The following APELA variants were observed in gnomAD, a reference collection of about 807,000 sequenced individuals.
The protein encoded by APELA is apelin receptor early endogenous ligand.
In APELA at chr4:164,884,279, G is replaced by A. The variant is rs376761218; in HGVS notation, c.*1+5270G>A. Among the ~76,000 whole-genome samples, 9 of 152,248 alleles carry A rather than the reference G, an allele frequency of 5.9e-5. No individual in the cohort carries two copies. The East Asian group carries it at 1.7e-3, about 29-fold the overall frequency. On this transcript the variant is annotated intron_variant, in intron 2 of 2. Transcript: ENST00000507152. Reference sequence around the variant, plus strand: ...ACCATTGACTCCATAGTGCTCTCTAGCGACCAGCCCATGTTCTCTTCATCT... The same window carrying A: ...ACCATTGACTCCATAGTGCTCTCTAACGACCAGCCCATGTTCTCTTCATCT...
intron 2 of APELA, among the ~76,000 whole-genome samples, chr4:164,891,267 G>T (rs1369549675): frequency 1.3e-5 from 2 of 152,008 alleles, no homozygotes; most frequent in Non-Finnish European, 2.9e-5. Context: ...TTGGTAGCTT[G>T]TTCTTTAGAT....
At chr4:164,887,970 T>C (rs897954042) in intron 2 of APELA, among the ~76,000 whole-genome samples, 1 of 152,186 alleles carries the variant, frequency 6.6e-6, no homozygotes, top group African/African-American at 2.4e-5. Flanking sequence ...CAGCAGAATT[T>C]AGCAGCTGGC....
At chr4:164,884,456 C>T (rs143126283) in intron 2 of APELA, among the ~76,000 whole-genome samples, 11 of 152,278 alleles carry the variant, frequency 7.2e-5, no homozygotes, top group African/African-American at 2.6e-4. Context: ...TCAGTTATCC[C>T]GCTGTAGGTC....
intron 2 of APELA, among the ~76,000 whole-genome samples, chr4:164,889,122 G>GC (rs1402509950): frequency 2.0e-5 from 3 of 149,150 alleles, no homozygotes; most frequent in Non-Finnish European, 3.0e-5. Flanking sequence ...TCCTGCCTCA[G>GC]CCCCCCAATA....
At chr4:164,881,197 G>A (rs941083767) in intron 2 of APELA, among the ~76,000 whole-genome samples, 4 of 152,134 alleles carry the variant, frequency 2.6e-5, no homozygotes, top group Admixed American at 6.5e-5. Context: ...TAAATGTACT[G>A]TAAACCTAGG....
chr4:164,884,131 G>T lies in APELA; in HGVS notation c.*1+5122G>T, dbSNP rs868813653. 1.4e-4 allele frequency among the ~76,000 whole-genome samples: 20 copies of T among 141,594 alleles called. 1 individual carries two copies. In the East Asian group the frequency reaches 3.9e-3, roughly 27 times the overall value. 92.9% of individuals were successfully genotyped at this position (141,594 alleles called of 152,430 possible). ...AAAGAAAGAAAGAAAGAGAAAGAAA[G>T]AAAGAAAGAAAGAAAGAAAGAAAGA... On this transcript the variant is annotated intron_variant, in intron 2 of 2. Transcript: ENST00000507152.
At chr4:164,883,761 C>T (rs1258273986) in intron 2 of APELA, among the ~76,000 whole-genome samples, 1 of 151,802 alleles carries the variant, frequency 6.6e-6, no homozygotes, top group Non-Finnish European at 1.5e-5. Flanking sequence ...GCTGGGATTA[C>T]AGGCATGAGC....
rs929127496 is a variant in APELA at position 164,877,187 on chromosome 4, A to G, written c.-145A>G. Reference sequence around the variant, plus strand: ...ACCGGCAACTTTGTCTAATGTGATCATTAACCTTCCTGCAAAACACAGCTG... The same window carrying G: ...ACCGGCAACTTTGTCTAATGTGATCGTTAACCTTCCTGCAAAACACAGCTG... On this transcript the variant is annotated 5_prime_UTR_variant, in exon 1 of 3. Transcript: ENST00000507152. 185 of 394,032 alleles carry G rather than the reference A, an allele frequency of 4.7e-4. 2 individuals are homozygous for G. The East Asian group carries it at 6.3e-3, about 13-fold the overall frequency. 24.4% of individuals were successfully genotyped at this position (394,032 alleles called of 1,614,324 possible). A position where few individuals can be genotyped will look rare whatever the true frequency, so the allele number is the denominator to read the frequency against.
intron 2 of APELA, among the ~76,000 whole-genome samples, chr4:164,886,125 C>T (rs1306854199): frequency 6.8e-6 from 1 of 148,008 alleles, no homozygotes; most frequent in Admixed American, 6.8e-5. Flanking sequence ...AATATGAGCT[C>T]CTTGAAGACA....
At chr4:164,885,062 AG>A (rs933594674) in intron 2 of APELA, among the ~76,000 whole-genome samples, 1 of 151,922 alleles carries the variant, frequency 6.6e-6, no homozygotes, top group Non-Finnish European at 1.5e-5. Context: ...CTGAAGGCCG[AG>A]GGTAGGTTTT....
At chr4:164,892,656 T>G (rs1730904945) in intron 2 of APELA, among the ~76,000 whole-genome samples, 1 of 152,172 alleles carries the variant, frequency 6.6e-6, no homozygotes, top group Non-Finnish European at 1.5e-5. Flanking sequence ...TTTTCTCCTC[T>G]TCTAAATTTT....
rs767241486 is a variant in APELA, at chr4:164,895,860, C to G, written c.*446C>G. The G allele has an allele frequency of 3.9e-5, 6 of 152,150 alleles. No individual in the cohort carries two copies. The highest frequency in any genetic ancestry group is 8.8e-5 in the Non-Finnish European group (6 of 68,026). The allele number at this position is 152,150 out of a possible 1,614,324, so 9.4% of individuals were successfully genotyped here. A position where few individuals can be genotyped will look rare whatever the true frequency, so the allele number is the denominator to read the frequency against. On this transcript the variant is annotated 3_prime_UTR_variant, in exon 3 of 3. Transcript: ENST00000507152. ...TTTGAGTGATTTTCTAAAAACTGCT[C>G]AACCTGAAATCAATTGCATTGACCA...
rs1380765079 is a variant in APELA at position 164,895,652 on chromosome 4, C to A, written c.*238C>A. ...AATTCAAAAGGATTCCAATCTGAAG[C>A]CCAAATCGTTTGCCTACATAACAAA... On this transcript the variant is annotated 3_prime_UTR_variant, in exon 3 of 3. Coordinates refer to ENST00000507152, the MANE Select transcript of APELA (RefSeq NM_001297550.2). 1 of 152,184 alleles carries A rather than the reference C, an allele frequency of 6.6e-6. No homozygotes were observed. The highest frequency in any genetic ancestry group is 2.4e-5 in the African/African-American group (1 of 41,434). The allele number at this position is 152,184 out of a possible 1,614,324, so 9.4% of individuals were successfully genotyped here.
intron 2 of APELA, among the ~76,000 whole-genome samples, chr4:164,884,319 T>C: frequency 6.6e-6 from 1 of 152,162 alleles, no homozygotes; most frequent in East Asian, 1.9e-4. Context: ...AAAGCCACAC[T>C]TTTTGAAAAG....
Position 164,896,202 on chromosome 4 carries a change from T to C in APELA, c.*788T>C, listed in dbSNP as rs1730972454. The C allele has an allele frequency of 6.6e-6, 1 of 152,216 alleles. No individual in the cohort carries two copies. Among genetic ancestry groups the C allele is most frequent in the African/African-American group, 2.4e-5 (1 of 41,456 alleles). The allele number at this position is 152,216 out of a possible 1,614,324, so 9.4% of individuals were successfully genotyped here. A position where few individuals can be genotyped will look rare whatever the true frequency, so the allele number is the denominator to read the frequency against. Reference sequence around the variant, plus strand: ...TCCACCTCCCGAGTTCAAGTGATTCTCGTGCCTCAACCTCCCAATTATAGG... The same window carrying C: ...TCCACCTCCCGAGTTCAAGTGATTCCCGTGCCTCAACCTCCCAATTATAGG... On this transcript the variant is annotated 3_prime_UTR_variant, in exon 3 of 3. Coordinates refer to ENST00000507152, the MANE Select transcript of APELA (RefSeq NM_001297550.2).
intron 2 of APELA, among the ~76,000 whole-genome samples, chr4:164,886,151 A>AGCTTAAGGACAAACCTTT (rs70952667): frequency 2.0e-5 from 3 of 151,980 alleles, no homozygotes; most frequent in Non-Finnish European, 4.4e-5. Flanking sequence ...TAGCCCCTAA[A>AGCTTAAGGACAAACCTTT]GCTTAATGTG....
At position 164,877,324 on chromosome 4, in the gene APELA, G is replaced by A. The variant is rs764945178; in HGVS notation, c.-8G>A. ...AGAGTCATTGCTCTACTTTTGTGCG[G>A]TAGGAAAATGAGATTTCAGCAATTC... is the stretch of plus-strand genomic sequence containing the variant. On this transcript the variant is annotated 5_prime_UTR_variant, in exon 1 of 3. Coordinates refer to ENST00000507152, the MANE Select transcript of APELA (RefSeq NM_001297550.2). 300 of 398,908 alleles carry A rather than the reference G, an allele frequency of 7.5e-4. No homozygotes were observed. Among genetic ancestry groups the A allele is most frequent in the Non-Finnish European group, 1.2e-3 (269 of 226,044 alleles). The allele number at this position is 398,908 out of a possible 1,614,324, so 24.7% of individuals were successfully genotyped here.
chr4:164,887,041 G>A (rs1730787471), intron 2 of APELA, among the ~76,000 whole-genome samples: 1 of 151,780 alleles, frequency 6.6e-6, no homozygotes, highest in East Asian at 1.9e-4. Flanking sequence ...TTGGCCAAGC[G>A]GGTCTCAAAC....
intron 2 of APELA, among the ~76,000 whole-genome samples, chr4:164,892,850 G>A (rs1730908966): frequency 6.6e-6 from 1 of 151,960 alleles, no homozygotes; most frequent in Non-Finnish European, 1.5e-5. Context: ...GTCTTTCTAG[G>A]AATTTGTCTA....
Sources: gnomAD v4.1 joint callset for allele counts (sites outside exome capture counted in the v4.1 genomes callset) on GRCh38, gnomAD v4.1.1 for gene constraint, MANE v1.5 for transcripts, NCBI Gene and HGNC (gene_info 2026-07-23, HGNC 2026-07-21) for gene names.